The following SLC37A2 variants were observed in gnomAD, a reference collection of about 807,000 sequenced individuals.
SLC37A2 encodes glucose-6-phosphate exchanger SLC37A2.
A neutral mutation model predicts 70.7 loss-of-function variants in SLC37A2; 59 were observed. The ratio of observed to expected loss-of-function variants is 0.83; its 90% CI spans 0.68 to 1.04. The LOEUF is 1.04. Ranked by LOEUF, SLC37A2 falls within the 50% of genes least tolerant of loss-of-function variation. SLC37A2 has a pLI of 0.00. For missense variants in SLC37A2, 580 were observed against 658.1 expected, an observed-to-expected ratio of 0.88 and a Z score of 1.30; for synonymous variants, 257 against 262.1, an observed-to-expected ratio of 0.98 and a Z score of 0.19.
chr11:125,071,878 G>A (rs940615840), intron 1 of SLC37A2, among the ~76,000 whole-genome samples: 2 of 152,118 alleles, frequency 1.3e-5, no homozygotes, highest in African/African-American at 4.8e-5. Context: ...TGTCACCATT[G>A]ACCCTAGCTT....
intron 1 of SLC37A2, among the ~76,000 whole-genome samples, chr11:125,076,208 G>T (rs528130817): frequency 6.6e-6 from 1 of 152,224 alleles, no homozygotes; most frequent in Admixed American, 6.5e-5. Flanking sequence ...CTAAGAAGAG[G>T]GCTGGGGTCT....
In SLC37A2 at chr11:125,085,070, G is replaced by A. The variant is rs370482931; in HGVS notation, c.1179G>A (p.Met393Ile). The A allele has an allele frequency of 1.2e-6, 2 of 1,614,064 alleles. No homozygotes were observed. The highest frequency in any genetic ancestry group is 1.7e-6 in the Non-Finnish European group (2 of 1,179,970). Residue 393 changes from methionine (M) to isoleucine (I), a missense_variant, in exon 14 of 18, where the codon ATG (methionine) becomes ATA (isoleucine). Met to Ile is a conservative substitution (Grantham distance 10). Coordinates refer to ENST00000403796, the MANE Select transcript of SLC37A2 (RefSeq NM_001145290.2). ...GCTGTCTCTATGCTGTCCCAGTGAT[G>A]CTGATCATCTGTGGGGGCCTGGTCA... is the stretch of plus-strand genomic sequence containing the variant. ...GQDGIASSIV[M>I]LIICGGLVNG...
intron 4 of SLC37A2, 68 bp downstream of exon 4, chr11:125,077,596 A>G: frequency 8.0e-7 from 1 of 1,253,118 alleles, no homozygotes; most frequent in South Asian, 1.3e-5. Flanking sequence ...CCCTTAAGGA[A>G]CCTGGGGGCA....
At chr11:125,066,443 A>T (rs1348983590) in intron 1 of SLC37A2, among the ~76,000 whole-genome samples, 1 of 152,232 alleles carries the variant, frequency 6.6e-6, no homozygotes, top group Non-Finnish European at 1.5e-5. Context: ...ACTCTATTCT[A>T]TAACTGATTA....
chr11:125,072,122 G>A (rs958479597), intron 1 of SLC37A2, among the ~76,000 whole-genome samples: 3 of 152,078 alleles, frequency 2.0e-5, no homozygotes, highest in Admixed American at 6.5e-5. Context: ...CTTGTTTTTT[G>A]CTGTTGCAGT....
intron 1 of SLC37A2, among the ~76,000 whole-genome samples, chr11:125,073,587 G>T (rs1275250854): frequency 1.3e-5 from 2 of 152,256 alleles, no homozygotes; most frequent in African/African-American, 4.8e-5. Flanking sequence ...TTTCAGACTG[G>T]TTAGGTGCAT....
At chr11:125,084,536 C>G (rs1949183412) in intron 12 of SLC37A2, among the ~76,000 whole-genome samples, 2 of 152,220 alleles carry the variant, frequency 1.3e-5, no homozygotes, top group African/African-American at 4.8e-5. Context: ...ATTCATGACT[C>G]TTTGGCCTTG....
chr11:125,079,647 CA>C, intron 5 of SLC37A2, 36 bp from the exon 6 acceptor site: 1 of 1,538,730 alleles, frequency 6.5e-7, no homozygotes, highest in Non-Finnish European at 8.9e-7. Flanking sequence ...TCGCACAGCC[CA>C]GGCCTGTTCC....
intron 1 of SLC37A2, among the ~76,000 whole-genome samples, chr11:125,076,114 G>A (rs554317365): frequency 2.0e-5 from 3 of 152,160 alleles, no homozygotes; most frequent in Non-Finnish European, 4.4e-5. Context: ...GGCATGGGAT[G>A]AGACGTGAGG....
In SLC37A2 at chr11:125,085,651, T is replaced by C; in HGVS notation, c.1402T>C (p.Ser468Pro). ...GAACAATGTCTTCTACATGCTCATC[T>C]CTGCCGACGTCCTAGCCTGCTTGGT... Reference protein sequence around the residue: ...GWNNVFYMLISADVLACLLLC... With the variant: ...GWNNVFYMLIPADVLACLLLC... Residue 468 changes from serine (S) to proline (P), a missense_variant, in exon 16 of 18, where the codon TCT becomes CCT. Physicochemically the swap from Ser to Pro is moderately conservative, Grantham distance 74 (BLOSUM62 -1). Transcript: ENST00000403796. The C allele has an allele frequency of 6.2e-7, 1 of 1,613,468 alleles. No homozygotes were observed. Among genetic ancestry groups the C allele is most frequent in the Non-Finnish European group, 8.5e-7 (1 of 1,180,022 alleles).
rs1453321980 is a variant in SLC37A2 at position 125,063,584 on chromosome 11, C to A, written c.59+158C>A. On this transcript the variant is annotated intron_variant, in intron 1 of 17. Coordinates refer to ENST00000403796, the MANE Select transcript of SLC37A2 (RefSeq NM_001145290.2). The surrounding 1 kb of genome is among the most constrained non-coding windows in gnomAD (Gnocchi z 5.4). ...GGTCCCGAGCTCCTCCAGCGGCGCC[C>A]GCCTCGGAGGTTGATAACCCTCCCT... 6.6e-6 allele frequency among the ~76,000 whole-genome samples: 1 copy of A among 152,110 alleles called. No homozygotes were observed. Among genetic ancestry groups the A allele is most frequent in the Non-Finnish European group, 1.5e-5 (1 of 68,002 alleles).
Position 125,079,251 on chromosome 11 carries a change from T to C in SLC37A2, c.450+4T>C, listed in dbSNP as rs1445212019. Reference sequence around the variant, plus strand: ...CTGGTACTTTGTGGTCATCCAGGTATGAATCACCGTCTTGCACTTGGGCCT... The same window carrying C: ...CTGGTACTTTGTGGTCATCCAGGTACGAATCACCGTCTTGCACTTGGGCCT... On this transcript the variant is annotated splice_donor_region_variant and intron_variant, in intron 5 of 17. Transcript: ENST00000403796. 1 of 1,613,942 alleles carries C rather than the reference T, an allele frequency of 6.2e-7. No individual in the cohort carries two copies. The highest frequency in any genetic ancestry group is 8.5e-7 in the Non-Finnish European group (1 of 1,180,006).
chr11:125,082,106 T>A, intron 9 of SLC37A2, 138 bp from the exon 10 acceptor site: 1 of 992,400 alleles, frequency 1.0e-6, no homozygotes, highest in Non-Finnish European at 1.6e-6. Flanking sequence ...TTGCTTTTAT[T>A]GGGACTGGAT....
chr11:125,081,840 C>T lies in SLC37A2; in HGVS notation c.819C>T (p.Ala273=). The T allele has an allele frequency of 6.2e-7, 1 of 1,614,090 alleles. No homozygotes were observed. The highest frequency in any genetic ancestry group is 8.5e-7 in the Non-Finnish European group (1 of 1,179,964). ...GGGAGAGCGGCCTTGAGACTGTGGC[C>T]AAATGCTCCAAGGGGCCATGCGAAG... ...SIRESGLETV[A]KCSKGPCEEP... The change falls in exon 9 of 18, where the codon GCC becomes GCT. Residue 273 remains alanine, a synonymous_variant. Transcript: ENST00000403796.
At position 125,077,234 on chromosome 11, in the gene SLC37A2, G is replaced by A. The variant is rs187580699; in HGVS notation, c.146G>A (p.Arg49His). Residue 49 changes from arginine (R) to histidine (H), a missense_variant, in exon 3 of 18, where the codon CGT (arginine) becomes CAT (histidine). Arg to His is a conservative substitution (Grantham distance 29, BLOSUM62 0). Transcript: ENST00000403796. ...SRKPISIVKS[R>H]LHQNCSEQIK... is the part of the protein sequence containing the mutation. ...TATGTCCCATTGCCTATCCAGAGCC[G>A]TCTGCACCAGAACTGCTCGGAGCAG... 51 of 1,586,988 alleles carry A rather than the reference G, an allele frequency of 3.2e-5. No homozygotes were observed. Among genetic ancestry groups the A allele is most frequent in the Admixed American group, 7.1e-5 (4 of 56,328 alleles).
intron 5 of SLC37A2, 100 bp downstream of exon 5, chr11:125,079,347 C>T (rs536766206): frequency 4.8e-6 from 7 of 1,459,438 alleles, no homozygotes; most frequent in Non-Finnish European, 6.6e-6. Flanking sequence ...TCCTGGCTCC[C>T]TGTCCAGTGC....
intron 1 of SLC37A2, among the ~76,000 whole-genome samples, chr11:125,071,192 C>T (rs1027549967): frequency 2.0e-5 from 3 of 152,118 alleles, no homozygotes; most frequent in Admixed American, 6.5e-5. Context: ...CAGGTCTTGT[C>T]CCCTGGACGC....
chr11:125,075,123 G>T (rs1949069310), intron 1 of SLC37A2, among the ~76,000 whole-genome samples: 1 of 152,196 alleles, frequency 6.6e-6, no homozygotes, highest in South Asian at 2.1e-4. Flanking sequence ...TTAGTGAGAG[G>T]TGCCACGCAA....
rs1481604046 is a variant in SLC37A2 at position 125,080,713 on chromosome 11, G to C, written c.627G>C (p.Leu209=). The part of the protein sequence containing the change: ...AGIWVNGQWG[L]SFIVPGIITA... ...TCTGGGTGAACGGGCAGTGGGGCCTGTCGTTCATCGTGCCTGGCATCATTA... is the reference window on the plus strand; with the variant it reads ...TCTGGGTGAACGGGCAGTGGGGCCTCTCGTTCATCGTGCCTGGCATCATTA... Residue 209 remains leucine (L), a synonymous_variant, in exon 7 of 18, where the codon CTG becomes CTC. Coordinates refer to ENST00000403796, the MANE Select transcript of SLC37A2 (RefSeq NM_001145290.2). The surrounding 1 kb of genome is among the most constrained non-coding windows in gnomAD (Gnocchi z 4.3). The C allele has an allele frequency of 6.4e-7, 1 of 1,574,378 alleles. No individual in the cohort carries two copies. Among genetic ancestry groups the C allele is most frequent in the Non-Finnish European group, 8.6e-7 (1 of 1,159,510 alleles).
Sources: allele counts gnomAD v4.1 joint callset (sites outside exome capture counted in the v4.1 genomes callset), GRCh38; gene constraint gnomAD v4.1.1; non-coding constraint Gnocchi (gnomAD v3.1); transcripts MANE v1.5; gene names NCBI Gene and HGNC (gene_info 2026-07-23, HGNC 2026-07-21).